RNF6: variants seen among roughly 807,000 people sequenced by gnomAD.
The protein encoded by RNF6 is E3 ubiquitin-protein ligase RNF6.
A neutral mutation model predicts 50.1 loss-of-function variants in RNF6; 21 were observed. The observed-to-expected ratio is 0.42, with a 90% CI of 0.30 to 0.60. The LOEUF is 0.60. Among genes scored for constraint, RNF6 ranks in the 20% least tolerant of loss-of-function variants. The pLI is 0.20. For synonymous variants in RNF6, 255 were observed against 291.8 expected (o/e 0.87, Z 1.29); for missense variants, 698 against 838.2 (o/e 0.83, Z 2.07).
intron 5 of RNF6, among the ~76,000 whole-genome samples, chr13:26,184,018 A>ATATAT (rs1335766541): frequency 9.7e-4 from 33 of 33,942 alleles, no homozygotes; most frequent in African/African-American, 3.1e-3. Flanking sequence ...ATATATATAT[A>ATATAT]TTTTTTTTTT....
At chr13:26,169,592 T>C (rs1379172070) in intron 5 of RNF6, among the ~76,000 whole-genome samples, 1 of 152,156 alleles carries the variant, frequency 6.6e-6, no homozygotes, top group Non-Finnish European at 1.5e-5. Flanking sequence ...ATATAAATCT[T>C]CTTAAGAGTC....
chr13:26,180,824 C>T (rs1873200147), intron 5 of RNF6, among the ~76,000 whole-genome samples: 1 of 152,236 alleles, frequency 6.6e-6, no homozygotes, highest in Admixed American at 6.5e-5. Context: ...TCACCACCTG[C>T]TGCCACTGCT....
At chr13:26,149,489 A>G (rs2137577857) in intron 5 of RNF6, among the ~76,000 whole-genome samples, 1 of 152,162 alleles carries the variant, frequency 6.6e-6, no homozygotes, top group East Asian at 1.9e-4. Context: ...TGGGAGGCTC[A>G]GGCAGGAGAA....
intron 2 of RNF6, among the ~76,000 whole-genome samples, chr13:26,220,232 T>G (rs977398556): frequency 1.3e-5 from 2 of 152,198 alleles, no homozygotes; most frequent in African/African-American, 4.8e-5. Flanking sequence ...AGGTGGTCTC[T>G]TATTAAAGCT....
chr13:26,163,081 C>A (rs150434892), intron 5 of RNF6, among the ~76,000 whole-genome samples: 1 of 151,844 alleles, frequency 6.6e-6, no homozygotes, highest in Non-Finnish European at 1.5e-5. Context: ...GAGGCTGAGG[C>A]GGGTGGATCA....
downstream of RNF6, among the ~76,000 whole-genome samples, chr13:26,211,332 C>A (rs1361508627): frequency 6.6e-6 from 1 of 152,212 alleles, no homozygotes; most frequent in Non-Finnish European, 1.5e-5. Flanking sequence ...TTGCAAAGGA[C>A]TAAGTCAAAG....
intron 5 of RNF6, among the ~76,000 whole-genome samples, chr13:26,178,591 C>CGTGTGTGTGTGTGT (rs3981342): frequency 9.0e-5 from 9 of 100,324 alleles, no homozygotes; most frequent in East Asian, 3.9e-4. Context: ...CTGCCTGGTC[C>CGTGTGTGTGTGTGT]GTGTGTGTGT....
intron 5 of RNF6, among the ~76,000 whole-genome samples, chr13:26,181,383 T>A (rs1403325888): frequency 1.3e-5 from 2 of 152,156 alleles, no homozygotes; most frequent in Non-Finnish European, 1.5e-5. Context: ...CCTTGAAGAA[T>A]CTAGTCACTC....
chr13:26,146,967 T>C (rs1871283397), intron 5 of RNF6, among the ~76,000 whole-genome samples: 1 of 152,086 alleles, frequency 6.6e-6, no homozygotes, highest in South Asian at 2.1e-4. Flanking sequence ...TTTCCTAAGG[T>C]CTTACCAGCC....
At chr13:26,145,374 C>T (rs886528826) in intron 5 of RNF6, among the ~76,000 whole-genome samples, 5 of 151,938 alleles carry the variant, frequency 3.3e-5, no homozygotes, top group Admixed American at 6.5e-5. Flanking sequence ...CTTTGTGTCC[C>T]CACCCAAATC....
At chr13:26,180,655 G>A (rs184433389) in intron 5 of RNF6, among the ~76,000 whole-genome samples, 13 of 152,288 alleles carry the variant, frequency 8.5e-5, no homozygotes, top group East Asian at 7.7e-4. Context: ...CTTTATGTCC[G>A]TATTCCAGAC....
rs1042359669 is a variant in RNF6 at position 26,212,774 on chromosome 13, CTTTGT to C, written c.*1045_*1049del. On this transcript the variant is annotated 3_prime_UTR_variant, in exon 5 of 5. Transcript: ENST00000381588. ...CAGAAAAACATAGTTCACATACAGT[CTTTGT>C]TTTAATGTTTATTGGTAGAAACAGA... 20 of 151,376 alleles carry C rather than the reference CTTTGT, an allele frequency of 1.3e-4. No individual in the cohort carries two copies. Among genetic ancestry groups the C allele is most frequent in the Non-Finnish European group, 2.8e-4 (19 of 67,728 alleles). 9.4% of individuals were successfully genotyped at this position (151,376 alleles called of 1,614,324 possible). A position where few individuals can be genotyped will look rare whatever the true frequency, so the allele number is the denominator to read the frequency against.
At chr13:26,134,122 G>C (rs566396585) in intron 5 of RNF6, among the ~76,000 whole-genome samples, 1 of 152,326 alleles carries the variant, frequency 6.6e-6, no homozygotes, top group South Asian at 2.1e-4. Context: ...GAAAGGGTGA[G>C]AGTTCTGACC....
chr13:26,139,943 C>A (rs1357184270), intron 5 of RNF6, among the ~76,000 whole-genome samples: 2 of 152,128 alleles, frequency 1.3e-5, no homozygotes. Context: ...TCCACCTCAG[C>A]CTCCTGAGTA....
intron 5 of RNF6, among the ~76,000 whole-genome samples, chr13:26,180,955 A>G (rs1015903536): frequency 2.0e-5 from 3 of 152,142 alleles, no homozygotes; most frequent in African/African-American, 2.4e-5. Context: ...GTAGTCGGAG[A>G]TGTTCTTGTC....
chr13:26,154,658 T>C (rs1871809368), intron 5 of RNF6, among the ~76,000 whole-genome samples: 1 of 152,182 alleles, frequency 6.6e-6, no homozygotes, highest in Non-Finnish European at 1.5e-5. Context: ...TCAATAAACA[T>C]GATAAGTTAG....
intron 5 of RNF6, among the ~76,000 whole-genome samples, chr13:26,156,235 C>A (rs918982931): frequency 6.6e-6 from 1 of 152,040 alleles, no homozygotes; most frequent in African/African-American, 2.4e-5. Flanking sequence ...TAACACTGGA[C>A]AACACTGAAT....
intron 5 of RNF6, among the ~76,000 whole-genome samples, chr13:26,135,878 C>T (rs976437252): frequency 1.1e-4 from 16 of 152,212 alleles, no homozygotes; most frequent in Admixed American, 7.8e-4. Flanking sequence ...ACTGGCACCT[C>T]CTCCCTCGCT....
chr13:26,217,843 C>T (rs912220438), intron 4 of RNF6, among the ~76,000 whole-genome samples: 19 of 152,164 alleles, frequency 1.2e-4, no homozygotes, highest in Non-Finnish European at 2.4e-4. Context: ...TGAGTGGGTT[C>T]CAAGAGGATT....
Sources: gnomAD v4.1 joint callset for allele counts (sites outside exome capture counted in the v4.1 genomes callset) on GRCh38, gnomAD v4.1.1 for gene constraint, MANE v1.5 for transcripts, NCBI Gene and HGNC (gene_info 2026-07-23, HGNC 2026-07-21) for gene names.